The following CLEC16A variants were observed in gnomAD, a reference collection of about 807,000 sequenced individuals.
The protein encoded by CLEC16A is C-type lectin domain containing 16A.
Under a neutral mutation model 109.5 loss-of-function variants are expected in CLEC16A, and 51 were observed. That is an observed-to-expected ratio of 0.47 (90% confidence interval 0.37 to 0.59). The LOEUF (loss-of-function observed/expected upper bound fraction) is 0.59. CLEC16A is among the 20% of genes least tolerant of loss of function. The probability of loss-of-function intolerance (pLI) is 0.00; values close to 1 mark genes in which losing one functional copy is unlikely to be tolerated. For synonymous variants in CLEC16A, 673 were observed against 564.2 expected (o/e 1.19, Z -2.73); for missense variants, 1,339 against 1,394.0 (o/e 0.96, Z 0.63).
intron 1 of CLEC16A, among the ~76,000 whole-genome samples, chr16:10,953,656 G>A (rs74883826): frequency 1.7e-3 from 257 of 152,252 alleles, no homozygotes; most frequent in African/African-American, 5.8e-3. Context: ...ATAAAGAAAA[G>A]CAAGAAAAAG....
At chr16:11,047,433 T>C in intron 17 of CLEC16A, 91 bp downstream of exon 17, 1 of 961,498 alleles carries the variant, frequency 1.0e-6, no homozygotes, top group Non-Finnish European at 1.5e-6. Context: ...TTTTTTGACT[T>C]AGGGCTTTGT....
intron 19 of CLEC16A, among the ~76,000 whole-genome samples, chr16:11,115,852 A>G (rs180805933): frequency 1.0e-3 from 153 of 151,062 alleles, no homozygotes; most frequent in Non-Finnish European, 1.9e-3. Flanking sequence ...TTATGTTAAT[A>G]TAATATATTT....
intron 19 of CLEC16A, among the ~76,000 whole-genome samples, chr16:11,093,352 CAGTG>C (rs879395972): frequency 6.6e-6 from 1 of 152,172 alleles, no homozygotes; most frequent in Non-Finnish European, 1.5e-5. Flanking sequence ...ATACTCGTCC[CAGTG>C]AGTATGAGTC....
chr16:10,974,853 G>T (rs1050369306), intron 7 of CLEC16A, among the ~76,000 whole-genome samples: 3 of 152,264 alleles, frequency 2.0e-5, no homozygotes, highest in African/African-American at 7.2e-5. Context: ...CACAGGGAAT[G>T]TTATGACATC....
intron 2 of CLEC16A, among the ~76,000 whole-genome samples, chr16:10,960,662 G>A (rs1001029670): frequency 6.6e-6 from 1 of 152,132 alleles, no homozygotes; most frequent in African/African-American, 2.4e-5. Context: ...GGGGGTGGGG[G>A]TTAAGGTCTA....
At chr16:11,066,185 T>G (rs563026675) in intron 19 of CLEC16A, among the ~76,000 whole-genome samples, 10 of 151,520 alleles carry the variant, frequency 6.6e-5, no homozygotes, top group African/African-American at 2.4e-4. Context: ...CTGGGAGGAG[T>G]AGATGAGCAT....
chr16:11,108,522 G>A (rs1360269709), intron 19 of CLEC16A, among the ~76,000 whole-genome samples: 1 of 152,274 alleles, frequency 6.6e-6, no homozygotes, highest in African/African-American at 2.4e-5. Flanking sequence ...AGCCCAGGTA[G>A]AGGGGGCACC....
At chr16:10,982,657 A>G (rs912632846) in intron 9 of CLEC16A, among the ~76,000 whole-genome samples, 11 of 152,338 alleles carry the variant, frequency 7.2e-5, no homozygotes, top group Non-Finnish European at 1.5e-4. Flanking sequence ...TCCGAGGAAG[A>G]GCAGCCAGCC....
chr16:11,090,787 G>A (rs975210850), intron 19 of CLEC16A, among the ~76,000 whole-genome samples: 1 of 150,240 alleles, frequency 6.7e-6, no homozygotes, highest in Non-Finnish European at 1.5e-5. Context: ...TGGGATTACA[G>A]GCATGCGCTA....
chr16:11,031,170 G>A (rs1278716293), intron 13 of CLEC16A, among the ~76,000 whole-genome samples: 1 of 152,204 alleles, frequency 6.6e-6, no homozygotes, highest in African/African-American at 2.4e-5. Context: ...CTCAGTCAGT[G>A]CTCAGCCAGA....
At chr16:10,999,129 G>A (rs544894716) in intron 10 of CLEC16A, among the ~76,000 whole-genome samples, 1 of 152,192 alleles carries the variant, frequency 6.6e-6, no homozygotes, top group Non-Finnish European at 1.5e-5. Flanking sequence ...TAGAGACAGG[G>A]TCTCACTGTG....
intron 11 of CLEC16A, among the ~76,000 whole-genome samples, chr16:11,018,746 C>T (rs61249281): frequency 3.3e-5 from 2 of 60,368 alleles, no homozygotes; most frequent in East Asian, 6.8e-4. Flanking sequence ...GAGACTCCAT[C>T]TCAAAAAAAA....
chr16:10,987,862 T>C (rs530976487), intron 10 of CLEC16A, among the ~76,000 whole-genome samples: 39 of 152,352 alleles, frequency 2.6e-4, no homozygotes, highest in African/African-American at 9.1e-4. Context: ...GATAAGTTAC[T>C]GGTATTGCCT....
At chr16:11,007,581 A>G (rs1387021286) in intron 11 of CLEC16A, among the ~76,000 whole-genome samples, 1 of 152,220 alleles carries the variant, frequency 6.6e-6, no homozygotes, top group Non-Finnish European at 1.5e-5. Flanking sequence ...ATAAGTGAGA[A>G]CATCAACACT....
At chr16:10,952,734 C>T (rs946251525) in intron 1 of CLEC16A, among the ~76,000 whole-genome samples, 5 of 152,188 alleles carry the variant, frequency 3.3e-5, no homozygotes, top group South Asian at 2.1e-4. Flanking sequence ...GAAGGTGTAA[C>T]CCTCATTGAG....
intron 19 of CLEC16A, among the ~76,000 whole-genome samples, chr16:11,084,157 G>A (rs992511125): frequency 3.3e-5 from 5 of 152,006 alleles, no homozygotes; most frequent in African/African-American, 1.2e-4. Context: ...CCTTCATACA[G>A]GCCCATCCCT....
intron 10 of CLEC16A, among the ~76,000 whole-genome samples, chr16:10,987,172 T>C (rs2043720011): frequency 6.6e-6 from 1 of 152,042 alleles, no homozygotes; most frequent in African/African-American, 2.4e-5. Context: ...CAGTTTTTTT[T>C]TTAATTGAAA....
intron 23 of CLEC16A, among the ~76,000 whole-genome samples, chr16:11,169,926 C>T (rs2068433838): frequency 6.6e-6 from 1 of 152,256 alleles, no homozygotes; most frequent in African/African-American, 2.4e-5. Context: ...CAGATGTCCC[C>T]TTGTTGAATC....
Position 11,180,338 on chromosome 16 carries a change from C to G in CLEC16A, c.*1648C>G, listed in dbSNP as rs200568406. The G allele has an allele frequency of 6.6e-6, 1 of 152,318 alleles. No homozygotes were observed. Among genetic ancestry groups the G allele is most frequent in the Non-Finnish European group, 1.5e-5 (1 of 68,130 alleles). 9.4% of individuals were successfully genotyped at this position (152,318 alleles called of 1,614,324 possible). ...CTCTGGGTAGCTGTGCCCACCCAGC[C>G]TTCATGGCTGCAGGTACAAGGACCT... On this transcript the variant is annotated 3_prime_UTR_variant, in exon 24 of 24. Transcript: ENST00000409790.
Sources: gnomAD v4.1 joint callset for allele counts (sites outside exome capture counted in the v4.1 genomes callset) on GRCh38, gnomAD v4.1.1 for gene constraint, MANE v1.5 for transcripts, NCBI Gene and HGNC (gene_info 2026-07-23, HGNC 2026-07-21) for gene names.